PTPRM: variants seen among roughly 807,000 people sequenced by gnomAD.
PTPRM encodes the protein receptor-type tyrosine-protein phosphatase mu.
PTPRM carries 47 observed loss-of-function variants against 186.7 expected under a neutral mutation model. The observed-to-expected ratio is 0.25, with a 90% CI of 0.20 to 0.32. The LOEUF (loss-of-function observed/expected upper bound fraction) is 0.32. PTPRM is among the 10% of genes least tolerant of loss of function. The pLI is 1.00. For missense variants in PTPRM, 1,494 were observed against 1,865.0 expected, an observed-to-expected ratio of 0.80 and a Z score of 3.66; for synonymous variants, 668 against 674.9, an observed-to-expected ratio of 0.99 and a Z score of 0.16.
At chr18:7,799,563 T>C (rs959583273) in intron 2 of PTPRM, among the ~76,000 whole-genome samples, 3 of 152,212 alleles carry the variant, frequency 2.0e-5, no homozygotes, top group Non-Finnish European at 4.4e-5. Context: ...ATTTAGATCT[T>C]CTTTTTTCTT....
chr18:8,400,187 T>TC (rs2095864702), intron 32 of PTPRM, among the ~76,000 whole-genome samples: 1 of 152,128 alleles, frequency 6.6e-6, no homozygotes, highest in Non-Finnish European at 1.5e-5. Flanking sequence ...GAAAAGAGCA[T>TC]CTCCTCAGTG....
chr18:7,648,420 A>G (rs180757190), intron 1 of PTPRM, among the ~76,000 whole-genome samples: 7 of 152,328 alleles, frequency 4.6e-5, no homozygotes, highest in African/African-American at 1.7e-4. Context: ...ATCAAAAGCT[A>G]GAAATGATTT....
At chr18:7,722,355 T>C (rs2040462867) in intron 1 of PTPRM, among the ~76,000 whole-genome samples, 1 of 152,190 alleles carries the variant, frequency 6.6e-6, no homozygotes, top group Non-Finnish European at 1.5e-5. Flanking sequence ...TTTGAAAAGT[T>C]AGACTTTTAA....
chr18:8,155,355 C>G (rs2093099582), intron 14 of PTPRM, among the ~76,000 whole-genome samples: 1 of 152,092 alleles, frequency 6.6e-6, no homozygotes, highest in Non-Finnish European at 1.5e-5. Flanking sequence ...ATATTCCTGT[C>G]TCAGCCACTG....
intron 14 of PTPRM, among the ~76,000 whole-genome samples, chr18:8,219,938 C>T (rs1344282982): frequency 6.6e-6 from 1 of 152,118 alleles, no homozygotes; most frequent in East Asian, 1.9e-4. Flanking sequence ...TCTATTTTAA[C>T]ATTAATGCTG....
intron 13 of PTPRM, among the ~76,000 whole-genome samples, chr18:8,141,268 C>T (rs903842505): frequency 6.6e-6 from 1 of 152,184 alleles, no homozygotes; most frequent in Non-Finnish European, 1.5e-5. Flanking sequence ...CCCGACTCAA[C>T]CGGATGGCCA....
At chr18:8,119,378 A>G (rs1206360567) in intron 13 of PTPRM, among the ~76,000 whole-genome samples, 19 of 152,324 alleles carry the variant, frequency 1.2e-4, no homozygotes, top group East Asian at 5.8e-4. Flanking sequence ...GAGCGCTGAT[A>G]AAAGAACTGA....
intron 1 of PTPRM, chr18:7,749,227 G>A (rs1372245828): frequency 2.0e-5 from 3 of 151,974 alleles, no homozygotes; most frequent in African/African-American, 7.3e-5. Flanking sequence ...AGGGGACAGA[G>A]TTGTTCTTCT....
chr18:8,124,599 T>C (rs1000152163), intron 13 of PTPRM, among the ~76,000 whole-genome samples: 1 of 152,182 alleles, frequency 6.6e-6, no homozygotes, highest in Non-Finnish European at 1.5e-5. Context: ...AGTGAAAAAT[T>C]GGTATCATAC....
chr18:8,398,508 G>A (rs998159966), intron 32 of PTPRM, among the ~76,000 whole-genome samples: 2 of 151,974 alleles, frequency 1.3e-5, no homozygotes, highest in East Asian at 2.0e-4. Flanking sequence ...GCTCACGCCT[G>A]TAATCCCAGC....
intron 1 of PTPRM, among the ~76,000 whole-genome samples, chr18:7,649,775 C>T (rs945894957): frequency 1.3e-5 from 2 of 151,906 alleles, no homozygotes; most frequent in African/African-American, 4.8e-5. Flanking sequence ...ATGAAATTGC[C>T]ACAGCCACTC....
chr18:8,232,646 C>G (rs2094301058), intron 14 of PTPRM, among the ~76,000 whole-genome samples: 1 of 152,160 alleles, frequency 6.6e-6, no homozygotes, highest in Non-Finnish European at 1.5e-5. Flanking sequence ...GCCTCAGCCT[C>G]CTAAGTAGCA....
chr18:7,859,144 G>T (rs2047226313), intron 2 of PTPRM, among the ~76,000 whole-genome samples: 2 of 152,132 alleles, frequency 1.3e-5, no homozygotes, highest in Non-Finnish European at 2.9e-5. Context: ...TACAAAATGA[G>T]TTCTATCTAA....
intron 23 of PTPRM, among the ~76,000 whole-genome samples, chr18:8,356,402 T>C (rs1685899540): frequency 6.6e-6 from 1 of 152,190 alleles, no homozygotes; most frequent in Non-Finnish European, 1.5e-5. Flanking sequence ...GAAGGGACCC[T>C]GAGTGCAGGT....
intron 22 of PTPRM, among the ~76,000 whole-genome samples, chr18:8,333,375 T>C (rs1271871571): frequency 6.6e-6 from 1 of 152,220 alleles, no homozygotes; most frequent in Non-Finnish European, 1.5e-5. Flanking sequence ...CTGTGACACA[T>C]GAGGCAGATT....
At chr18:8,174,960 T>C (rs1207636749) in intron 14 of PTPRM, among the ~76,000 whole-genome samples, 2 of 152,240 alleles carry the variant, frequency 1.3e-5, no homozygotes, top group Non-Finnish European at 2.9e-5. Flanking sequence ...GTAAACTCAA[T>C]ATCACTTTCC....
At chr18:7,828,623 C>T (rs1309848341) in intron 2 of PTPRM, among the ~76,000 whole-genome samples, 2 of 152,034 alleles carry the variant, frequency 1.3e-5, no homozygotes, top group African/African-American at 2.4e-5. Flanking sequence ...TTGAGAGTGG[C>T]GGAAGTGTGC....
intron 7 of PTPRM, among the ~76,000 whole-genome samples, chr18:7,996,244 G>A (rs2083530229): frequency 2.0e-5 from 3 of 151,556 alleles, no homozygotes; most frequent in African/African-American, 7.3e-5. Context: ...AAAATGGATG[G>A]TTCAACATAC....
intron 23 of PTPRM, among the ~76,000 whole-genome samples, chr18:8,356,474 C>T (rs1050522567): frequency 2.6e-5 from 4 of 152,070 alleles, no homozygotes; most frequent in Admixed American, 6.6e-5. Flanking sequence ...CAGAGACAGG[C>T]GTGGACACAC....
Sources: gnomAD v4.1 joint callset for allele counts (sites outside exome capture counted in the v4.1 genomes callset) on GRCh38, gnomAD v4.1.1 for gene constraint, MANE v1.5 for transcripts, NCBI Gene and HGNC (gene_info 2026-07-23, HGNC 2026-07-21) for gene names.